Variants in TAF2 observed in about 807,000 individuals in gnomAD.
TAF2 encodes transcription initiation factor TFIID subunit 2.
In TAF2, 61 loss-of-function variants were observed where a neutral mutation model predicts 138.5. The ratio of observed to expected loss-of-function variants is 0.44; its 90% CI spans 0.36 to 0.54. The LOEUF is 0.54. Among genes scored for constraint, TAF2 ranks in the 20% least tolerant of loss-of-function variants. TAF2 has a pLI of 0.00. For missense variants in TAF2, 1,090 were observed against 1,427.9 expected (o/e 0.76, Z 3.81); for synonymous variants, 475 against 469.9 (o/e 1.01, Z -0.14).
In TAF2 at chr8:119,832,509, C is replaced by A. The variant is rs757060271; in HGVS notation, c.56G>T (p.Gly19Val). 5.6e-6 allele frequency: 9 copies of A among 1,613,950 alleles called. No individual in the cohort carries two copies. The highest frequency in any genetic ancestry group is 1.1e-5 in the South Asian group (1 of 91,080). Residue 19 changes from glycine (G) to valine (V), a missense_variant, in exon 1 of 26, where the codon GGC becomes GTC. Physicochemically the swap from Gly to Val is moderately radical, Grantham distance 109. Coordinates refer to ENST00000378164, the MANE Select transcript of TAF2 (RefSeq NM_003184.4). ...TTTATATGGCCTTGGGCTTTCAAAG[C>A]CCTTGTCTCCTTTCTTCCTGTTCAT... is the stretch of plus-strand genomic sequence containing the variant. ...ARMNRKKGDK[G>V]FESPRPYKLT...
chr8:119,831,742 A>G lies in TAF2; in HGVS notation c.84-11T>C. The G allele has an allele frequency of 6.5e-7, 1 of 1,531,692 alleles. No homozygotes were observed. Among genetic ancestry groups the G allele is most frequent in the South Asian group, 1.3e-5 (1 of 78,322 alleles). 94.9% of individuals were successfully genotyped at this position (1,531,692 alleles called of 1,614,324 possible). A position where few individuals can be genotyped will look rare whatever the true frequency, so the allele number is the denominator to read the frequency against. Reference sequence around the variant, plus strand: ...ACGACCTGATGGGTTGTATATTAATAAATATAAAAAGAAAATAAGGAAAAA... The same window carrying G: ...ACGACCTGATGGGTTGTATATTAATGAATATAAAAAGAAAATAAGGAAAAA... On this transcript the variant is annotated splice_polypyrimidine_tract_variant and intron_variant, in intron 1 of 25. Coordinates refer to ENST00000378164, the MANE Select transcript of TAF2 (RefSeq NM_003184.4).
chr8:119,805,215 A>T (rs1824537691), intron 4 of TAF2, among the ~76,000 whole-genome samples: 2 of 152,206 alleles, frequency 1.3e-5, no homozygotes, highest in Non-Finnish European at 2.9e-5. Context: ...ATCAGGAACC[A>T]TGTGTTTTAG....
At chr8:119,797,303 A>C (rs984605773) in intron 7 of TAF2, among the ~76,000 whole-genome samples, 200 bp from the exon 8 acceptor site, 6 of 152,154 alleles carry the variant, frequency 3.9e-5, no homozygotes, top group Admixed American at 1.3e-4. Context: ...TCCACTGATG[A>C]TATCAGTAAA....
At chr8:119,732,421 A>T (rs557312837) in intron 25 of TAF2, among the ~76,000 whole-genome samples, 1 of 152,340 alleles carries the variant, frequency 6.6e-6, no homozygotes, top group South Asian at 2.1e-4. Context: ...ATTTGGCCAT[A>T]TACCAGTGTG....
chr8:119,777,895 C>CGAT (rs1822369199), intron 18 of TAF2, 124 bp downstream of exon 18: 1 of 594,072 alleles, frequency 1.7e-6, no homozygotes, highest in African/African-American at 1.9e-5. Context: ...TCATCAAGTA[C>CGAT]GATGATTTTT....
rs150344209 is a variant in TAF2 at position 119,757,229 on chromosome 8, T to C, written c.2768+844A>G. Among the ~76,000 whole-genome samples the C allele has an allele frequency of 2.3e-3, 356 of 152,338 alleles. 1 individual carries two copies. The highest frequency in any genetic ancestry group is 8.2e-3 in the African/African-American group (340 of 41,586). On this transcript the variant is annotated intron_variant, in intron 21 of 25. Transcript: ENST00000378164. ...TAACATCCTCTTGTGCTTTGAAATT[T>C]AAGACTGTGTAAAATAAGACTACGG... is the stretch of plus-strand genomic sequence containing the variant.
chr8:119,831,118 A>G (rs1300442341), intron 2 of TAF2, among the ~76,000 whole-genome samples: 1 of 152,146 alleles, frequency 6.6e-6, no homozygotes, highest in Non-Finnish European at 1.5e-5. Flanking sequence ...AAAAACAAAC[A>G]AACAAACAAA....
chr8:119,783,367 G>A lies in TAF2; in HGVS notation c.2112+14C>T, dbSNP rs13268676. 0.57 allele frequency: 911,060 copies of A among 1,612,364 alleles called. 259,985 individuals are homozygous for A. The highest frequency in any genetic ancestry group is 0.69 in the Middle Eastern group (4,175 of 6,062). On this transcript the variant is annotated intron_variant, in intron 16 of 25. Coordinates refer to ENST00000378164, the MANE Select transcript of TAF2 (RefSeq NM_003184.4). ...ATACAATAGTCATTTCCTTTATGCT[G>A]TATATAATCTCACCTTTGCAAGACA...
chr8:119,785,752 T>C (rs965700752), intron 14 of TAF2, among the ~76,000 whole-genome samples: 4 of 152,080 alleles, frequency 2.6e-5, no homozygotes, highest in African/African-American at 4.8e-5. Flanking sequence ...AGGTTCAAGA[T>C]AAGCAAAAAC....
At position 119,806,376 on chromosome 8, in the gene TAF2, CA is replaced by C; in HGVS notation, c.324del (p.Asn108LysfsTer34). The C allele has an allele frequency of 6.2e-7, 1 of 1,613,418 alleles. No homozygotes were observed. Among genetic ancestry groups the C allele is most frequent in the East Asian group, 2.2e-5 (1 of 44,874 alleles). Reference sequence around the variant, plus strand: ...ACAGCACTAACTGCAGCTGCATAAGCATTGGAAAAATAATTGAGGTTTCTCC... The same window carrying C: ...ACAGCACTAACTGCAGCTGCATAAGCTTGGAAAAATAATTGAGGTTTCTCC... ...SKQRNLNYFS[N>X]AYAAAVSAVD... On this transcript the variant is annotated frameshift_variant, in exon 4 of 26. Transcript: ENST00000378164. LOFTEE classifies it high-confidence loss of function.
intron 22 of TAF2, among the ~76,000 whole-genome samples, chr8:119,749,549 G>T (rs1203333916): frequency 6.6e-6 from 1 of 152,156 alleles, no homozygotes; most frequent in Non-Finnish European, 1.5e-5. Context: ...TTTCACTTAA[G>T]TTGAGAGACA....
intron 22 of TAF2, among the ~76,000 whole-genome samples, chr8:119,755,790 G>A (rs1178519962): frequency 6.6e-6 from 1 of 151,950 alleles, no homozygotes; most frequent in Non-Finnish European, 1.5e-5. Flanking sequence ...TACAAATAAA[G>A]AGTTTTGTTT....
chr8:119,756,322 A>G (rs960804444), intron 21 of TAF2, among the ~76,000 whole-genome samples: 1 of 152,098 alleles, frequency 6.6e-6, no homozygotes, highest in African/African-American at 2.4e-5. Flanking sequence ...TTTTTTCACT[A>G]AAACACTCTG....
At chr8:119,734,917 C>CT (rs1819125642) in intron 25 of TAF2, among the ~76,000 whole-genome samples, 1 of 152,180 alleles carries the variant, frequency 6.6e-6, no homozygotes, top group Admixed American at 6.6e-5. Context: ...CAAAGAACAT[C>CT]TTAGTTTCTT....
chr8:119,796,264 A>G (rs1823818441), intron 8 of TAF2, among the ~76,000 whole-genome samples: 1 of 152,022 alleles, frequency 6.6e-6, no homozygotes, highest in Non-Finnish European at 1.5e-5. Flanking sequence ...AAAACTACAA[A>G]TCAAGAGATC....
chr8:119,817,994 T>C (rs1825585195), intron 3 of TAF2, among the ~76,000 whole-genome samples: 1 of 152,276 alleles, frequency 6.6e-6, no homozygotes. Context: ...CTTTGTGAAA[T>C]GGAAAGTTAC....
chr8:119,743,504 A>T (rs538837535), intron 24 of TAF2, among the ~76,000 whole-genome samples: 1 of 152,284 alleles, frequency 6.6e-6, no homozygotes, highest in East Asian at 1.9e-4. Context: ...GCAGGTACAC[A>T]GATACTTGCT....
In TAF2 at chr8:119,803,922, C is replaced by G. The variant is rs752522938; in HGVS notation, c.516G>C (p.Glu172Asp). 6 of 1,613,916 alleles carry G rather than the reference C, an allele frequency of 3.7e-6. No homozygotes were observed. The change falls in exon 5 of 26, where the codon GAG becomes GAC. Residue 172 changes from glutamate (E) to aspartate (D), a missense_variant. Physicochemically the swap from Glu to Asp is conservative, Grantham distance 45. Coordinates refer to ENST00000378164, the MANE Select transcript of TAF2 (RefSeq NM_003184.4). ...VVPSVEGSMA[E>D]RGAHVFSCGY... is the part of the protein sequence containing the mutation. ...CACAAGAGAAAACATGAGCACCTCT[C>G]TCTGCCATACTTCCCTCTACACTGG...
chr8:119,808,195 C>T (rs1824795305), intron 3 of TAF2, among the ~76,000 whole-genome samples: 1 of 152,204 alleles, frequency 6.6e-6, no homozygotes, highest in Non-Finnish European at 1.5e-5. Context: ...TAATTTCTTT[C>T]TGTTAAATAA....
Sources: allele counts gnomAD v4.1 joint callset (sites outside exome capture counted in the v4.1 genomes callset), GRCh38; gene constraint gnomAD v4.1.1; transcripts MANE v1.5; gene names NCBI Gene and HGNC (gene_info 2026-07-23, HGNC 2026-07-21).